The following C9orf50 variants were observed in gnomAD, a reference collection of about 807,000 sequenced individuals.
C9orf50 encodes the protein uncharacterized protein C9orf50.
In C9orf50, 33 loss-of-function variants were observed where a neutral mutation model predicts 42.5. The ratio of observed to expected loss-of-function variants is 0.78; its 90% confidence interval spans 0.59 to 1.04. The LOEUF is 1.04. C9orf50 is among the 50% of genes least tolerant of loss of function. The pLI is 0.00. For synonymous variants in C9orf50, 257 were observed against 273.4 expected (o/e 0.94, Z 0.59); for missense variants, 547 against 594.3 (o/e 0.92, Z 0.83).
chr9:129,613,192 G>C lies in C9orf50; in HGVS notation c.1103C>G (p.Pro368Arg), dbSNP rs1269068328. Residue 368 changes from proline to arginine, a missense_variant, in exon 6 of 7, where the codon CCC (proline) becomes CGC (arginine). Pro to Arg is a moderately radical substitution (Grantham distance 103). Transcript: ENST00000372478. This position sits in a 1 kb window ranked among gnomAD's most constrained non-coding sequence, Gnocchi z 6.2. Reference sequence around the variant, plus strand: ...AGCGGCCTTCTTCCATGAACAGAAGGGCAGGCTGCTGTTCATGGAGGTGTC... The same window carrying C: ...AGCGGCCTTCTTCCATGAACAGAAGCGCAGGCTGCTGTTCATGGAGGTGTC... The C allele has an allele frequency of 6.2e-7, 1 of 1,613,646 alleles. No homozygotes were observed. Among genetic ancestry groups the C allele is most frequent in the East Asian group, 2.2e-5 (1 of 44,872 alleles).
In C9orf50 at chr9:129,620,191, C is replaced by T; in HGVS notation, c.384G>A (p.Arg128=). The change falls in exon 1 of 7, where the codon CGG becomes CGA. Residue 128 remains arginine (R), a synonymous_variant. Coordinates refer to ENST00000372478, the Ensembl canonical transcript of C9orf50. This position sits in a 1 kb window ranked among gnomAD's most constrained non-coding sequence, Gnocchi z 5.8. ...CGGGGTCCTCCCTGGCCACGCGCCT[C>T]CGGGGGCGCTCGCGCTCTCCAGGCC... 6.9e-7 allele frequency: 1 copy of T among 1,450,890 alleles called. No homozygotes were observed. The highest frequency in any genetic ancestry group is 9.1e-7 in the Non-Finnish European group (1 of 1,098,080). 89.9% of individuals were successfully genotyped at this position (1,450,890 alleles called of 1,614,324 possible).
chr9:129,619,534 G>C, exon 3 of C9orf50: 1 of 1,613,610 alleles, frequency 6.2e-7, no homozygotes, highest in Non-Finnish European at 8.5e-7. Flanking sequence ...TGGCCTTTCT[G>C]ACAGTGGTGA....
At position 129,615,687 on chromosome 9, in the gene C9orf50, C is replaced by T. The variant is rs756680887; in HGVS notation, c.717-40G>A. 1.9e-5 allele frequency: 28 copies of T among 1,492,632 alleles called. No individual in the cohort carries two copies. In the East Asian group the frequency reaches 6.1e-4, roughly 32 times the overall value. The allele number at this position is 1,492,632 out of a possible 1,614,324, so 92.5% of individuals were successfully genotyped here. The stretch of plus-strand genomic sequence containing the variant: ...AGGGGCCTGTGCTCGAAGCCCCCCA[C>T]CGTACCCCAGCACACACGCACCAGC... On this transcript the variant is annotated intron_variant, in intron 3 of 6. Coordinates refer to ENST00000372478, the Ensembl canonical transcript of C9orf50.
chr9:129,616,706 T>C (rs1830407434), intron 3 of C9orf50, among the ~76,000 whole-genome samples: 1 of 152,234 alleles, frequency 6.6e-6, no homozygotes, highest in Non-Finnish European at 1.5e-5. Flanking sequence ...GGACGTGGCC[T>C]GGCACAGGGT....
chr9:129,619,751 G>A, exon 2 of C9orf50: 1 of 1,614,096 alleles, frequency 6.2e-7, no homozygotes, highest in Non-Finnish European at 8.5e-7. Context: ...ACAGGTCTGG[G>A]AGGAATGAAC....
chr9:129,620,690 G>C lies in C9orf50; in HGVS notation c.-116C>G. Reference sequence around the variant, plus strand: ...CATAGTGCCCCGGGCGGGGCAGCGCGGTGCGGGGTGAACGCCACCGGCCCG... The same window carrying C: ...CATAGTGCCCCGGGCGGGGCAGCGCCGTGCGGGGTGAACGCCACCGGCCCG... On this transcript the variant is annotated 5_prime_UTR_variant, in exon 1 of 7. Coordinates refer to ENST00000372478, the Ensembl canonical transcript of C9orf50. The surrounding 1 kb of genome is among the most constrained non-coding windows in gnomAD (Gnocchi z 5.8). 1.0e-6 allele frequency: 1 copy of C among 995,492 alleles called. No individual in the cohort carries two copies. Among genetic ancestry groups the C allele is most frequent in the Non-Finnish European group, 1.3e-6 (1 of 772,800 alleles). 61.7% of individuals were successfully genotyped at this position (995,492 alleles called of 1,614,324 possible).
At position 129,613,001 on chromosome 9, in the gene C9orf50, G is replaced by A. The variant is rs1011862808; in HGVS notation, c.1188+106C>T. ...CACGGTGACTTGGCTCTCAGGGAGG[G>A]TCCACTCCCAGCCCCAGCCACTCCA... On this transcript the variant is annotated intron_variant, in intron 6 of 6. Transcript: ENST00000372478. This position sits in a 1 kb window ranked among gnomAD's most constrained non-coding sequence, Gnocchi z 6.2. 1.9e-5 allele frequency: 27 copies of A among 1,444,190 alleles called. No homozygotes were observed. In the Admixed American group the frequency reaches 3.5e-4, roughly 19 times the overall value. The allele number at this position is 1,444,190 out of a possible 1,614,324, so 89.5% of individuals were successfully genotyped here.
At chr9:129,615,718 A>C in intron 3 of C9orf50, 71 bp from the exon 4 acceptor site, 1 of 1,438,172 alleles carries the variant, frequency 7.0e-7, no homozygotes, top group Non-Finnish European at 9.1e-7. Flanking sequence ...CCAGCCCCAG[A>C]CTCGCTGTGA....
intron 3 of C9orf50, among the ~76,000 whole-genome samples, chr9:129,616,806 T>C (rs1220698): frequency 0.51 from 77,346 of 152,020 alleles, 20,584 homozygotes; most frequent in African/African-American, 0.68. Context: ...CAACCCGGTG[T>C]GGTGGCTCAC....
At chr9:129,612,335 G>A (rs1267448780) in exon 7 of C9orf50, 1 of 1,609,506 alleles carries the variant, frequency 6.2e-7, no homozygotes, top group Non-Finnish European at 8.5e-7. Flanking sequence ...CTGGCCTTGG[G>A]TTCGCGAGTG....
At chr9:129,615,681 C>G in intron 3 of C9orf50, 34 bp from the exon 4 acceptor site, 1 of 1,495,926 alleles carries the variant, frequency 6.7e-7, no homozygotes, top group Non-Finnish European at 8.9e-7. Flanking sequence ...TGCTCGAAGC[C>G]CCCCACCGTA....
rs759579514 is a variant in C9orf50 at position 129,615,666 on chromosome 9, G to A, written c.717-19C>T. On this transcript the variant is annotated intron_variant, in intron 3 of 6. Transcript: ENST00000372478. ...GGGCCTGCTGAGAGAGGGGAGAGGGGCCTGTGCTCGAAGCCCCCCACCGTA... is the reference window on the plus strand; with the variant it reads ...GGGCCTGCTGAGAGAGGGGAGAGGGACCTGTGCTCGAAGCCCCCCACCGTA... 23 of 1,513,728 alleles carry A rather than the reference G, an allele frequency of 1.5e-5. No homozygotes were observed. Among genetic ancestry groups the A allele is most frequent in the Admixed American group, 2.1e-5 (1 of 46,780 alleles). 93.8% of individuals were successfully genotyped at this position (1,513,728 alleles called of 1,614,324 possible).
At chr9:129,612,312 C>A (rs1830131827) in exon 7 of C9orf50, 1 of 1,563,340 alleles carries the variant, frequency 6.4e-7, no homozygotes, top group Non-Finnish European at 8.8e-7. Context: ...CATTGCCTGG[C>A]CCATGTGTGC....
Position 129,620,364 on chromosome 9 carries a change from C to T in C9orf50, c.211G>A (p.Val71Met). 2 of 1,228,196 alleles carry T rather than the reference C, an allele frequency of 1.6e-6. No homozygotes were observed. The highest frequency in any genetic ancestry group is 1.6e-5 in the African/African-American group (1 of 63,728). The allele number at this position is 1,228,196 out of a possible 1,614,324, so 76.1% of individuals were successfully genotyped here. A position where few individuals can be genotyped will look rare whatever the true frequency, so the allele number is the denominator to read the frequency against. ...CGCGGCGGGAGGCGTCCGACGCCCA[C>T]CCCGGGCTTGGCGTCCCCTTCCGGC... Residue 71 changes from valine (V) to methionine (M), a missense_variant, in exon 1 of 7, where the codon GTG (valine) becomes ATG (methionine). Coordinates refer to ENST00000372478, the Ensembl canonical transcript of C9orf50. The surrounding 1 kb of genome is among the most constrained non-coding windows in gnomAD (Gnocchi z 5.8).
At chr9:129,619,475 G>T in intron 3 of C9orf50, 45 bp downstream of exon 3, 1 of 1,327,192 alleles carries the variant, frequency 7.5e-7, no homozygotes, top group Non-Finnish European at 1.1e-6. Context: ...GGAAAGAAAT[G>T]CCCCTTTCCT....
chr9:129,619,478 C>T, intron 3 of C9orf50, 42 bp downstream of exon 3: 1 of 1,393,256 alleles, frequency 7.2e-7, no homozygotes, highest in Non-Finnish European at 1.0e-6. Context: ...AAGAAATGCC[C>T]CTTTCCTCCA....
rs1168086956 is a variant in C9orf50 at position 129,620,468 on chromosome 9, G to C, written c.107C>G (p.Thr36Ser). The C allele has an allele frequency of 1.5e-6, 2 of 1,352,924 alleles. No homozygotes were observed. The highest frequency in any genetic ancestry group is 1.9e-6 in the Non-Finnish European group (2 of 1,049,014). 83.8% of individuals were successfully genotyped at this position (1,352,924 alleles called of 1,614,324 possible). ...CAGAGCCGCTCGGAGCGCGGGCGGG[G>C]TCAGCTTGGGCAGCCGCGGGTCGCT... The change falls in exon 1 of 7, where the codon ACC (threonine) becomes AGC (serine). Residue 36 changes from threonine to serine, a missense_variant. By Grantham distance (58) the Thr-to-Ser change is moderately conservative (BLOSUM62 1). Around this residue, in one of 3 missense-constraint regions of C9orf50, gnomAD observed 105 missense variants for 98.5 expected, o/e 1.07. Transcript: ENST00000372478. This position sits in a 1 kb window ranked among gnomAD's most constrained non-coding sequence, Gnocchi z 5.8.
exon 4 of C9orf50, chr9:129,615,544 G>T (rs199839916): frequency 6.2e-7 from 1 of 1,610,346 alleles, no homozygotes. Context: ...TCAGCGAATC[G>T]CACCCGGAAA....
chr9:129,612,758 T>C (rs1830151828), intron 6 of C9orf50, among the ~76,000 whole-genome samples: 1 of 152,012 alleles, frequency 6.6e-6, no homozygotes, highest in South Asian at 2.1e-4. Flanking sequence ...GGTGTCCCCA[T>C]TGCAGAGGTT....
Sources: gnomAD v4.1 joint callset for allele counts (sites outside exome capture counted in the v4.1 genomes callset) on GRCh38, gnomAD v4.1.1 for gene constraint, gnomAD v4.1.1 regional missense constraint, Gnocchi (gnomAD v3.1) non-coding constraint, MANE v1.5 for transcripts, NCBI Gene and HGNC (gene_info 2026-07-23, HGNC 2026-07-21) for gene names.